Variants in FAM234A observed in about 807,000 individuals in gnomAD.
FAM234A encodes protein FAM234A.
FAM234A carries 42 observed loss-of-function variants against 49.1 expected under a neutral mutation model. The observed-to-expected ratio is 0.86, with a 90% CI of 0.67 to 1.11. FAM234A has a LOEUF of 1.11. Ranked by LOEUF, FAM234A falls within the 50% of genes least tolerant of loss-of-function variation. The pLI, the probability that FAM234A is intolerant of heterozygous loss-of-function variation, is 0.00. For synonymous variants in FAM234A, 369 were observed against 316.2 expected (o/e 1.17, Z -1.77); for missense variants, 815 against 745.2 (o/e 1.09, Z -1.09).
intron 1 of FAM234A, among the ~76,000 whole-genome samples, chr16:242,459 C>A (rs1275936999): frequency 2.0e-5 from 3 of 152,066 alleles, no homozygotes; most frequent in Non-Finnish European, 4.4e-5. Context: ...AGTGATCTGT[C>A]CACCTCGGCC....
rs1346164512 is a variant in FAM234A, at chr16:260,670, T to A, written c.577+510T>A. 1.1e-5 allele frequency: 5 copies of A among 470,574 alleles called. No homozygotes were observed. In the Admixed American group the frequency reaches 1.2e-4, roughly 11 times the overall value. The allele number at this position is 470,574 out of a possible 1,614,324, so 29.1% of individuals were successfully genotyped here. On this transcript the variant is annotated intron_variant, in intron 5 of 12. Transcript: ENST00000399932. ...CACGGGGCCATGTGTGTGTGTGGGC[T>A]CCTTGCACCTCATCGCGGTCTGGAA...
Position 262,203 on chromosome 16 carries a change from C to T in FAM234A, c.819C>T (p.Ala273=). The change falls in exon 7 of 13, where the codon GCC becomes GCT. Residue 273 remains alanine (A), a synonymous_variant. Transcript: ENST00000399932. ...GFLLHVTRTG[A]HYILFPCASS... The stretch of plus-strand genomic sequence containing the variant: ...TCCTTCACGTCACCAGGACAGGTGC[C>T]CACTACATCCTCTTTCCCTGCGGTA... 1.2e-6 allele frequency: 2 copies of T among 1,613,994 alleles called. No individual in the cohort carries two copies. The highest frequency in any genetic ancestry group is 1.7e-6 in the Non-Finnish European group (2 of 1,180,016).
chr16:250,793 C>T (rs1385089379), intron 2 of FAM234A, among the ~76,000 whole-genome samples: 1 of 152,150 alleles, frequency 6.6e-6, no homozygotes, highest in Non-Finnish European at 1.5e-5. Flanking sequence ...CTGGGCGTTT[C>T]ACACTACAGG....
At position 261,526 on chromosome 16, in the gene FAM234A, C is replaced by T. The variant is rs1299397815; in HGVS notation, c.708+12C>T. On this transcript the variant is annotated intron_variant, in intron 6 of 12. Coordinates refer to ENST00000399932, the MANE Select transcript of FAM234A (RefSeq NM_032039.4). ...AGGAGCGGGAGGAGGTACATCCCAG[C>T]CTGGCTCTGCTCCCAAGTCACGAGG... 1.3e-6 allele frequency: 2 copies of T among 1,581,816 alleles called. No individual in the cohort carries two copies. The highest frequency in any genetic ancestry group is 1.8e-5 in the Admixed American group (1 of 55,620).
At chr16:258,308 G>A (rs1434692528) in intron 3 of FAM234A, among the ~76,000 whole-genome samples, 11 of 152,160 alleles carry the variant, frequency 7.2e-5, no homozygotes, top group Non-Finnish European at 8.8e-5. Flanking sequence ...GCGGCCTTCC[G>A]CAGTGTTTGC....
At chr16:268,705 A>C (rs888027497), downstream of FAM234A, 30 of 1,476,934 alleles carry the variant, frequency 2.0e-5, no homozygotes, top group Non-Finnish European at 2.6e-5. Context: ...CGAGGGAGGA[A>C]TAGGCGCAGC....
intron 2 of FAM234A, among the ~76,000 whole-genome samples, chr16:250,789 G>A (rs943976476): frequency 1.3e-5 from 2 of 152,026 alleles, no homozygotes; most frequent in African/African-American, 2.4e-5. Flanking sequence ...TGTTCTGGGC[G>A]TTTCACACTA....
intron 1 of FAM234A, chr16:248,289 C>T (rs1337654649): frequency 6.6e-6 from 1 of 152,002 alleles, no homozygotes; most frequent in Non-Finnish European, 1.5e-5. Flanking sequence ...CGGCCAGGCT[C>T]TCCAATTCAA....
At chr16:241,598 A>AG (rs1019155124) in intron 1 of FAM234A, among the ~76,000 whole-genome samples, 2 of 151,852 alleles carry the variant, frequency 1.3e-5, no homozygotes, top group African/African-American at 4.8e-5. Flanking sequence ...CAAAAAAAAA[A>AG]AAGTTTTCAT....
chr16:250,579 C>T (rs2050965347), intron 2 of FAM234A, among the ~76,000 whole-genome samples: 1 of 152,212 alleles, frequency 6.6e-6, no homozygotes, highest in Non-Finnish European at 1.5e-5. Context: ...AGAATGCACA[C>T]ATTTTTTCTT....
At chr16:263,224 G>A (rs1371108013) in intron 8 of FAM234A, 38 bp from the exon 9 acceptor site, 6 of 1,601,062 alleles carry the variant, frequency 3.7e-6, no homozygotes, top group Admixed American at 1.7e-5. Flanking sequence ...AGGCCGCCCC[G>A]GGGACCCGGC....
rs769418862 is a variant in FAM234A, at chr16:263,681, T to G, written c.1113-19T>G. 8 of 1,602,980 alleles carry G rather than the reference T, an allele frequency of 5.0e-6. No individual in the cohort carries two copies. The highest frequency in any genetic ancestry group is 6.8e-6 in the Non-Finnish European group (8 of 1,169,974). On this transcript the variant is annotated intron_variant, in intron 9 of 12. Coordinates refer to ENST00000399932, the MANE Select transcript of FAM234A (RefSeq NM_032039.4). ...CCTCACTGAGACCCCTCGTGAGCGC[T>G]TCCTCCATATTGTTCCAGAAAACCC...
In FAM234A at chr16:263,762, G is replaced by A. The variant is rs201772118; in HGVS notation, c.1175G>A (p.Gly392Asp). ...TLAVAVENGTGTDRQILFLDL... is the reference protein window; with the variant it reads ...TLAVAVENGTDTDRQILFLDL... Reference sequence around the variant, plus strand: ...GCTGTAGCCGTTGAAAACGGAACTGGCACCGACAGACAGGTTCGTTGTTCT... The same window carrying A: ...GCTGTAGCCGTTGAAAACGGAACTGACACCGACAGACAGGTTCGTTGTTCT... Residue 392 changes from glycine (G) to aspartate (D), a missense_variant, in exon 10 of 13, where the codon GGC becomes GAC. By Grantham distance (94) the Gly-to-Asp change is moderately conservative (BLOSUM62 -1). Coordinates refer to ENST00000399932, the MANE Select transcript of FAM234A (RefSeq NM_032039.4). 1.9e-6 allele frequency: 3 copies of A among 1,613,318 alleles called. No homozygotes were observed. The Admixed American group carries it at 5.0e-5, about 27-fold the overall frequency.
intron 12 of FAM234A, 44 bp from the exon 13 acceptor site, chr16:264,767 G>T: frequency 6.2e-7 from 1 of 1,607,668 alleles, no homozygotes; most frequent in South Asian, 1.1e-5. Context: ...GTCTGCCCTG[G>T]CTGGTCCTGA....
At chr16:248,000 C>T (rs1158205418) in intron 1 of FAM234A, among the ~76,000 whole-genome samples, 2 of 152,070 alleles carry the variant, frequency 1.3e-5, no homozygotes, top group Non-Finnish European at 2.9e-5. Flanking sequence ...CAGGTGGGTG[C>T]TCATCTGGTT....
At chr16:268,978 C>T (rs2051793521), downstream of FAM234A, 2 of 1,536,976 alleles carry the variant, frequency 1.3e-6, no homozygotes, top group Non-Finnish European at 1.8e-6. Flanking sequence ...GTGGAGCTCC[C>T]TGTGGCCTTG....
chr16:246,351 T>A (rs1344703281), intron 1 of FAM234A, among the ~76,000 whole-genome samples: 1 of 144,308 alleles, frequency 6.9e-6, no homozygotes, highest in Non-Finnish European at 1.5e-5. Flanking sequence ...CAGTCTCGGC[T>A]CACCGCAACC....
At chr16:264,352 G>A (rs748567451) in intron 11 of FAM234A, among the ~76,000 whole-genome samples, 181 bp downstream of exon 11, 12 of 152,228 alleles carry the variant, frequency 7.9e-5, no homozygotes, top group Non-Finnish European at 1.5e-4. Context: ...GAGGGGTCCA[G>A]CGAGAAGGGG....
chr16:264,065 T>C lies in FAM234A; in HGVS notation c.1238T>C (p.Leu413Pro). 6.2e-7 allele frequency: 1 copy of C among 1,612,888 alleles called. No individual in the cohort carries two copies. Among genetic ancestry groups the C allele is most frequent in the Non-Finnish European group, 8.5e-7 (1 of 1,179,956 alleles). Residue 413 changes from leucine (L) to proline (P), a missense_variant, in exon 11 of 13, where the codon CTC becomes CCC. Transcript: ENST00000399932. ...GTGAVLCSLA[L>P]PSLPGGPLSA... ...GGAGCCGTCCTGTGTAGCCTAGCCC[T>C]CCCGAGCCTCCCTGGGGGTCCACTG...
Sources: allele counts gnomAD v4.1 joint callset (sites outside exome capture counted in the v4.1 genomes callset), GRCh38; gene constraint gnomAD v4.1.1; transcripts MANE v1.5; gene names NCBI Gene and HGNC (gene_info 2026-07-23, HGNC 2026-07-21).